Variants in CRKL observed in about 807,000 individuals in gnomAD.
CRKL encodes crk-like protein.
CRKL carries 3 observed loss-of-function variants against 23.0 expected under a neutral mutation model. The observed-to-expected ratio is 0.13, with a 90% CI of 0.06 to 0.34. The LOEUF (loss-of-function observed/expected upper bound fraction) is 0.34. CRKL is among the 10% of genes least tolerant of loss of function. CRKL has a pLI of 1.00. For missense variants in CRKL, 256 were observed against 394.5 expected (o/e 0.65, Z 2.97); for synonymous variants, 188 against 160.7 (o/e 1.17, Z -1.28).
intron 1 of CRKL, among the ~76,000 whole-genome samples, chr22:20,918,672 A>G (rs1398939994): frequency 2.0e-5 from 3 of 147,990 alleles, no homozygotes; most frequent in East Asian, 2.0e-4. Flanking sequence ...GCTCACTGCA[A>G]CCTCCGCCTC....
intron 2 of CRKL, among the ~76,000 whole-genome samples, chr22:20,949,005 T>G (rs1922171176): frequency 6.6e-6 from 1 of 152,216 alleles, no homozygotes; most frequent in South Asian, 2.1e-4. Flanking sequence ...AATTTGACTT[T>G]AACCATTCTC....
intron 2 of CRKL, among the ~76,000 whole-genome samples, chr22:20,937,972 C>G (rs765514580): frequency 6.6e-6 from 1 of 152,026 alleles, no homozygotes; most frequent in East Asian, 1.9e-4. Flanking sequence ...CGGGTTTAAG[C>G]GATTCTCATG....
At chr22:20,920,048 T>C (rs750112933) in intron 1 of CRKL, among the ~76,000 whole-genome samples, 1 of 151,980 alleles carries the variant, frequency 6.6e-6, no homozygotes, top group African/African-American at 2.4e-5. Flanking sequence ...ATTTAAGGAG[T>C]TGAGAATCTT....
intron 2 of CRKL, among the ~76,000 whole-genome samples, chr22:20,936,379 G>A (rs1921661309): frequency 6.6e-6 from 1 of 151,978 alleles, no homozygotes; most frequent in Admixed American, 6.6e-5. Context: ...ACGGAGTTTC[G>A]CTCTTGTTGC....
At chr22:20,925,186 CAAAAAA>C (rs11451684) in intron 1 of CRKL, among the ~76,000 whole-genome samples, 1 of 101,000 alleles carries the variant, frequency 9.9e-6, no homozygotes, top group Non-Finnish European at 1.9e-5. Context: ...GACTCCGTCT[CAAAAAA>C]AAAAAAAAAA....
chr22:20,947,704 G>T (rs6005013), intron 2 of CRKL, among the ~76,000 whole-genome samples: 1 of 134,740 alleles, frequency 7.4e-6, no homozygotes, highest in Admixed American at 7.7e-5. Context: ...TTTTGAGACA[G>T]GGTCTTGCTC....
chr22:20,923,072 T>C (rs1015646506), intron 1 of CRKL, among the ~76,000 whole-genome samples: 12 of 152,120 alleles, frequency 7.9e-5, no homozygotes, highest in African/African-American at 2.9e-4. Flanking sequence ...CATTTCTAGC[T>C]TGTGTCGATA....
chr22:20,945,836 A>G (rs1569138115), intron 2 of CRKL, among the ~76,000 whole-genome samples: 1 of 150,568 alleles, frequency 6.6e-6, no homozygotes, highest in East Asian at 1.9e-4. Flanking sequence ...TTCACGGCCT[A>G]CACATAGATG....
chr22:20,941,194 A>G (rs1921855521), intron 2 of CRKL, among the ~76,000 whole-genome samples: 1 of 151,980 alleles, frequency 6.6e-6, no homozygotes, highest in African/African-American at 2.4e-5. Flanking sequence ...GCTTCCCAGA[A>G]AGGCCCACAA....
intron 2 of CRKL, 75 bp from the exon 3 acceptor site, chr22:20,949,636 G>A: frequency 6.4e-7 from 1 of 1,572,880 alleles, no homozygotes; most frequent in Non-Finnish European, 8.7e-7. Flanking sequence ...GGATAAGGTA[G>A]TGTTTGTGAT....
In CRKL at chr22:20,918,234, G is replaced by T; in HGVS notation, c.300G>T (p.Glu100Asp). 1 of 1,613,696 alleles carries T rather than the reference G, an allele frequency of 6.2e-7. No individual in the cohort carries two copies. ...ACCTGGACACCACCACCCTCATCGA[G>T]CCTGCGCCCAGGTACGCGAGAGCCC... ...IHYLDTTTLI[E>D]PAPRYPSPPM... is the part of the protein sequence containing the mutation. The change falls in exon 1 of 3, where the codon GAG becomes GAT. Residue 100 changes from glutamate to aspartate, a missense_variant. Coordinates refer to ENST00000354336, the MANE Select transcript of CRKL (RefSeq NM_005207.4).
chr22:20,921,131 G>C (rs758483459), intron 1 of CRKL, among the ~76,000 whole-genome samples: 6 of 152,216 alleles, frequency 3.9e-5, no homozygotes, highest in Non-Finnish European at 7.3e-5. Context: ...TCAGTGTAAT[G>C]CTTCTTCGCA....
intron 1 of CRKL, among the ~76,000 whole-genome samples, chr22:20,919,366 A>G (rs1457522334): frequency 1.3e-5 from 2 of 152,112 alleles, no homozygotes; most frequent in East Asian, 3.8e-4. Context: ...TATTAAGGAA[A>G]ATTTTTGAAT....
chr22:20,940,725 A>G (rs1025303204), intron 2 of CRKL, among the ~76,000 whole-genome samples: 12 of 151,786 alleles, frequency 7.9e-5, no homozygotes, highest in Admixed American at 3.9e-4. Context: ...TCTTTGCCCC[A>G]TTTCAAAACC....
intron 1 of CRKL, among the ~76,000 whole-genome samples, chr22:20,924,430 ACTTCCATAAT>A (rs1196072568): frequency 1.3e-5 from 2 of 152,154 alleles, no homozygotes; most frequent in African/African-American, 4.8e-5. Context: ...TCAAATCTAG[ACTTCCATAAT>A]TTGGAATGGG....
At chr22:20,947,708 C>T (rs1253304320) in intron 2 of CRKL, among the ~76,000 whole-genome samples, 68 of 93,094 alleles carry the variant, frequency 7.3e-4, no homozygotes, top group African/African-American at 3.0e-3. Context: ...GAGACAGGGT[C>T]TTGCTCTGTC....
In CRKL at chr22:20,917,875, G is replaced by T. The variant is rs1045904878; in HGVS notation, c.-60G>T. Reference sequence around the variant, plus strand: ...CCAAAGCCGTCTGCCGGGCTAAGGCGTGCAGAGCAGGCGAGGACAGCCGCC... The same window carrying T: ...CCAAAGCCGTCTGCCGGGCTAAGGCTTGCAGAGCAGGCGAGGACAGCCGCC... On this transcript the variant is annotated 5_prime_UTR_variant, in exon 1 of 3. Transcript: ENST00000354336. The T allele has an allele frequency of 7.2e-6, 11 of 1,530,382 alleles. No homozygotes were observed. The highest frequency in any genetic ancestry group is 9.8e-6 in the Non-Finnish European group (11 of 1,127,536). 94.8% of individuals were successfully genotyped at this position (1,530,382 alleles called of 1,614,324 possible).
In CRKL at chr22:20,944,139, C is replaced by CTTTT. The variant is rs57177824; in HGVS notation, c.778-5554_778-5551dup. 5.4e-4 allele frequency among the ~76,000 whole-genome samples: 57 copies of CTTTT among 105,832 alleles called. 1 individual carries two copies. Among genetic ancestry groups the CTTTT allele is most frequent in the African/African-American group, 2.0e-3 (53 of 27,002 alleles). 69.4% of individuals were successfully genotyped at this position (105,832 alleles called of 152,430 possible). On this transcript the variant is annotated intron_variant, in intron 2 of 2. Coordinates refer to ENST00000354336, the MANE Select transcript of CRKL (RefSeq NM_005207.4). Reference sequence around the variant, plus strand: ...TGTAGATCACTTTGGGTAGTATTAGCTTTTTTTTTTTTTTTTTTTTTAATT... The same window carrying CTTTT: ...TGTAGATCACTTTGGGTAGTATTAGCTTTTTTTTTTTTTTTTTTTTTTTTTAATT...
At chr22:20,933,670 A>G in intron 1 of CRKL, 109 bp from the exon 2 acceptor site, 2 of 987,160 alleles carry the variant, frequency 2.0e-6, no homozygotes, top group East Asian at 2.5e-5. Flanking sequence ...CTTGTCTCAT[A>G]AAAAAGGAAA....
Sources: gnomAD v4.1 joint callset for allele counts (sites outside exome capture counted in the v4.1 genomes callset) on GRCh38, gnomAD v4.1.1 for gene constraint, MANE v1.5 for transcripts, NCBI Gene and HGNC (gene_info 2026-07-23, HGNC 2026-07-21) for gene names.